The following RIMS2 variants were observed in gnomAD, a reference collection of about 807,000 sequenced individuals.
RIMS2 encodes regulating synaptic membrane exocytosis 2.
A neutral mutation model predicts 174.4 loss-of-function variants in RIMS2; 59 were observed. The observed-to-expected ratio is 0.34, with a 90% CI of 0.27 to 0.42. The LOEUF (loss-of-function observed/expected upper bound fraction) is 0.42. Among genes scored for constraint, RIMS2 ranks in the 10% least tolerant of loss-of-function variants. The probability of loss-of-function intolerance (pLI) is 1.00; values close to 1 mark genes in which losing one functional copy is unlikely to be tolerated. For missense variants in RIMS2, 1,620 were observed against 1,666.3 expected, an observed-to-expected ratio of 0.97 and a Z score of 0.48; for synonymous variants, 606 against 572.5, an observed-to-expected ratio of 1.06 and a Z score of -0.84.
chr8:103,777,916 C>T (rs1040320837), intron 3 of RIMS2, among the ~76,000 whole-genome samples: 1 of 151,772 alleles, frequency 6.6e-6, no homozygotes, highest in African/African-American at 2.4e-5. Context: ...AAACTGGGTA[C>T]AAAATTGGGT....
chr8:103,730,198 G>GTC (rs1181748241), intron 2 of RIMS2, among the ~76,000 whole-genome samples: 1 of 152,062 alleles, frequency 6.6e-6, no homozygotes, highest in Non-Finnish European at 1.5e-5. Context: ...GGGGGTTTAA[G>GTC]TCTCTCTCTC....
rs1006537555 is a variant in RIMS2 at position 104,214,902 on chromosome 8, T to A, written c.3335-30014T>A. On this transcript the variant is annotated intron_variant, in intron 19 of 23. Coordinates refer to ENST00000504942, the Ensembl canonical transcript of RIMS2. Reference sequence around the variant, plus strand: ...CAAGCAACAGTCCACTTATACCCAATCTAGGTGATGTTTGACCTGGATCTG... The same window carrying A: ...CAAGCAACAGTCCACTTATACCCAAACTAGGTGATGTTTGACCTGGATCTG... 4.6e-5 allele frequency among the ~76,000 whole-genome samples: 7 copies of A among 152,322 alleles called. No individual in the cohort carries two copies. The East Asian group carries it at 1.3e-3, about 29-fold the overall frequency.
intron 1 of RIMS2, among the ~76,000 whole-genome samples, chr8:103,630,796 A>G (rs986370957): frequency 6.6e-6 from 1 of 152,176 alleles, no homozygotes; most frequent in African/African-American, 2.4e-5. Context: ...ACAGGAAAAA[A>G]GGAACCAAAA....
chr8:103,736,907 T>C (rs372557933), intron 2 of RIMS2, among the ~76,000 whole-genome samples: 42 of 152,240 alleles, frequency 2.8e-4, no homozygotes, highest in African/African-American at 9.4e-4. Context: ...ATTGGGCTTG[T>C]TTTCCTCAGA....
chr8:104,113,294 C>T (rs184441339), intron 19 of RIMS2, among the ~76,000 whole-genome samples: 2 of 152,142 alleles, frequency 1.3e-5, no homozygotes, highest in South Asian at 2.1e-4. Flanking sequence ...AATGCTCTAA[C>T]GCTATACGAT....
intron 16 of RIMS2, among the ~76,000 whole-genome samples, chr8:103,984,720 A>T (rs1016199729): frequency 1.3e-5 from 2 of 152,232 alleles, no homozygotes; most frequent in Non-Finnish European, 2.9e-5. Flanking sequence ...AAGAAGGGAA[A>T]TCGGTATATC....
intron 3 of RIMS2, among the ~76,000 whole-genome samples, chr8:103,820,260 A>G (rs76287162): frequency 0.12 from 18,884 of 152,038 alleles, 1,278 homozygotes; most frequent in Middle Eastern, 0.22. Flanking sequence ...TCTGGCTTAC[A>G]CTAAAAGATA....
Position 103,568,245 on chromosome 8 carries a change from C to G in RIMS2, c.176+67183C>G, listed in dbSNP as rs1366057191. On this transcript the variant is annotated intron_variant, in intron 1 of 23. Transcript: ENST00000504942. The stretch of plus-strand genomic sequence containing the variant: ...CCTGTGAGGTCGAGGTGGCACTGAT[C>G]TGTGATCCTGCTGCTGCACTCCAGC... Among the ~76,000 whole-genome samples the G allele has an allele frequency of 5.3e-5, 8 of 152,138 alleles. No individual in the cohort carries two copies. The East Asian group carries it at 5.8e-4, about 11-fold the overall frequency.
intron 1 of RIMS2, among the ~76,000 whole-genome samples, chr8:103,611,826 T>G (rs2095376044): frequency 6.6e-6 from 1 of 152,070 alleles, no homozygotes; most frequent in Non-Finnish European, 1.5e-5. Flanking sequence ...TCTCTAAGTT[T>G]GGGTAGTTCT....
chr8:104,166,308 C>T (rs1183537328), intron 19 of RIMS2, among the ~76,000 whole-genome samples: 1 of 151,618 alleles, frequency 6.6e-6, no homozygotes. Context: ...CCTCATGATC[C>T]GCCCGCCTCT....
chr8:103,911,182 A>G (rs2075604586), intron 5 of RIMS2, among the ~76,000 whole-genome samples: 1 of 152,140 alleles, frequency 6.6e-6, no homozygotes, highest in Non-Finnish European at 1.5e-5. Context: ...TTTTGCATGA[A>G]GATATGCCTG....
At chr8:103,851,923 A>G (rs927809829) in intron 3 of RIMS2, among the ~76,000 whole-genome samples, 12 of 151,934 alleles carry the variant, frequency 7.9e-5, no homozygotes, top group Non-Finnish European at 2.9e-5. Flanking sequence ...AAAAAAAAAA[A>G]TTAGAACTAG....
chr8:104,251,460 A>T (rs1385612614), intron 23 of RIMS2, 142 bp from the exon 30 acceptor site: 1 of 631,158 alleles, frequency 1.6e-6, no homozygotes. Flanking sequence ...AGTTAAAGAC[A>T]ACTATTCTAT....
intron 1 of RIMS2, among the ~76,000 whole-genome samples, chr8:103,570,591 G>A (rs979011678): frequency 6.6e-6 from 1 of 152,180 alleles, no homozygotes; most frequent in African/African-American, 2.4e-5. Context: ...TACCTTAGGA[G>A]CATGGAATTG....
chr8:103,632,239 C>G (rs993977080), intron 1 of RIMS2, among the ~76,000 whole-genome samples: 1 of 152,130 alleles, frequency 6.6e-6, no homozygotes, highest in African/African-American at 2.4e-5. Context: ...TTTGCTCATT[C>G]AGTATAATGT....
intron 19 of RIMS2, among the ~76,000 whole-genome samples, chr8:104,119,173 C>T (rs1006989913): frequency 2.0e-5 from 3 of 150,586 alleles, no homozygotes; most frequent in South Asian, 2.1e-4. Flanking sequence ...TGGTAAACCC[C>T]GTCTCTACTT....
At chr8:103,525,468 A>G (rs1315694944) in intron 1 of RIMS2, among the ~76,000 whole-genome samples, 1 of 152,124 alleles carries the variant, frequency 6.6e-6, no homozygotes, top group Non-Finnish European at 1.5e-5. Context: ...CAGCTTCACT[A>G]TTTGCTGCTT....
intron 1 of RIMS2, among the ~76,000 whole-genome samples, chr8:103,629,904 A>G (rs2095870542): frequency 1.3e-5 from 2 of 152,290 alleles, no homozygotes; most frequent in East Asian, 1.9e-4. Context: ...ATACTCTGGC[A>G]GTACAAAGGA....
intron 19 of RIMS2, among the ~76,000 whole-genome samples, chr8:104,217,942 G>T (rs1293392941): frequency 6.6e-6 from 1 of 152,148 alleles, no homozygotes; most frequent in Non-Finnish European, 1.5e-5. Flanking sequence ...GATCCTGAGG[G>T]TTGGTTTTTA....
Sources: gnomAD v4.1 joint callset for allele counts (sites outside exome capture counted in the v4.1 genomes callset) on GRCh38, gnomAD v4.1.1 for gene constraint, MANE v1.5 for transcripts, NCBI Gene and HGNC (gene_info 2026-07-23, HGNC 2026-07-21) for gene names.